Variants in DNM1 observed in about 807,000 individuals in gnomAD.
DNM1 encodes the protein dynamin 1.
Under a neutral mutation model 104.6 loss-of-function variants are expected in DNM1, and 29 were observed. That is an observed-to-expected ratio of 0.28 (90% CI 0.21 to 0.38). The LOEUF (loss-of-function observed/expected upper bound fraction) is 0.38, where lower values mean the gene tolerates loss of function less well. Among genes scored for constraint, DNM1 ranks in the 10% least tolerant of loss-of-function variants. The pLI, the probability that DNM1 is intolerant of heterozygous loss-of-function variation, is 1.00. For missense variants in DNM1, 640 were observed against 1,189.4 expected (o/e 0.54, Z 6.79); for synonymous variants, 445 against 475.8 (o/e 0.94, Z 0.84).
In DNM1 at chr9:128,247,095, CACTG is replaced by C. The variant is rs1331144295; in HGVS notation, c.1782-276_1782-273del. Reference sequence around the variant, plus strand: ...GATCTGGGCCCCAAGCTAGAGACTTCACTGACTATGGTTGTCCTCTTGTCAAAGG... The same window carrying C: ...GATCTGGGCCCCAAGCTAGAGACTTCACTATGGTTGTCCTCTTGTCAAAGG... On this transcript the variant is annotated intron_variant, in intron 16 of 21. Transcript: ENST00000372923. The surrounding 1 kb of genome is among the most constrained non-coding windows in gnomAD (Gnocchi z 5.1). 3.2e-6 allele frequency: 1 copy of C among 309,360 alleles called. No individual in the cohort carries two copies. The highest frequency in any genetic ancestry group is 6.1e-6 in the Non-Finnish European group (1 of 164,632). 19.2% of individuals were successfully genotyped at this position (309,360 alleles called of 1,614,324 possible).
Position 128,242,633 on chromosome 9 carries a change from G to A in DNM1, c.1671+288G>A, listed in dbSNP as rs532091143. Among the ~76,000 whole-genome samples the A allele has an allele frequency of 8.5e-4, 130 of 152,212 alleles. 1 individual carries two copies. Among genetic ancestry groups the A allele is most frequent in the Middle Eastern group, 3.4e-3 (1 of 294 alleles). On this transcript the variant is annotated intron_variant, in intron 15 of 21. Coordinates refer to ENST00000372923, the MANE Select transcript of DNM1 (RefSeq NM_004408.4). ...AAATTAACCAGGTGTGTTGGCGGGC[G>A]CCTGTAATCCCAGCTACTAGGGAGG...
intron 10 of DNM1, among the ~76,000 whole-genome samples, chr9:128,225,659 C>G (rs1835296967): frequency 1.3e-5 from 2 of 152,122 alleles, no homozygotes; most frequent in African/African-American, 2.4e-5. Context: ...AAAGACGGCA[C>G]TGGGAGAGAG....
chr9:128,233,989 A>G, intron 10 of DNM1, 32 bp from the exon 11 acceptor site: 1 of 1,548,184 alleles, frequency 6.5e-7, no homozygotes, highest in Non-Finnish European at 8.7e-7. Flanking sequence ...CCCTCTGTGT[A>G]CGTGGCTTTC....
intron 10 of DNM1, 65 bp from the exon 11 acceptor site, chr9:128,233,956 G>A: frequency 7.0e-7 from 1 of 1,424,484 alleles, no homozygotes; most frequent in Non-Finnish European, 9.7e-7. Flanking sequence ...GGACTCGTGG[G>A]GTGTGGGTGC....
At chr9:128,213,820 C>T (rs57091735) in intron 1 of DNM1, among the ~76,000 whole-genome samples, 15,071 of 152,128 alleles carry the variant, frequency 0.099, 1,153 homozygotes, top group East Asian at 0.34. Flanking sequence ...TAGCCTAGTC[C>T]CTGCTCCCGG....
Position 128,255,048 on chromosome 9 carries a change from C to T in DNM1, c.*334C>T, listed in dbSNP as rs1829765513. 4.7e-6 allele frequency: 1 copy of T among 212,718 alleles called. No homozygotes were observed. The highest frequency in any genetic ancestry group is 7.5e-5 in the South Asian group (1 of 13,320). 13.2% of individuals were successfully genotyped at this position (212,718 alleles called of 1,614,324 possible). A position where few individuals can be genotyped will look rare whatever the true frequency, so the allele number is the denominator to read the frequency against. Reference sequence around the variant, plus strand: ...CCAACTACCAGAGAACGCTGTCCCCCGACATCCCACTCCAAAGTGTGCCAC... The same window carrying T: ...CCAACTACCAGAGAACGCTGTCCCCTGACATCCCACTCCAAAGTGTGCCAC... On this transcript the variant is annotated 3_prime_UTR_variant, in exon 22 of 22. Transcript: ENST00000372923.
chr9:128,252,695 G>C, intron 21 of DNM1: 1 of 476,622 alleles, frequency 2.1e-6, no homozygotes, highest in Non-Finnish European at 4.1e-6. Context: ...AGAAATGACA[G>C]CTGGACTTTA....
intron 10 of DNM1, among the ~76,000 whole-genome samples, chr9:128,228,376 T>C (rs1414729203): frequency 6.6e-6 from 1 of 152,070 alleles, no homozygotes; most frequent in Non-Finnish European, 1.5e-5. Flanking sequence ...GATCTTACTA[T>C]GTTGCCCAGG....
At position 128,220,885 on chromosome 9, in the gene DNM1, TTTTCTTTCTTTCTTTCTTTCTTTC is replaced by T. The variant is rs373253077; in HGVS notation, c.849+572_849+595del. Among the ~76,000 whole-genome samples, 39 of 117,604 alleles carry T rather than the reference TTTTCTTTCTTTCTTTCTTTCTTTC, an allele frequency of 3.3e-4. No individual in the cohort carries two copies. Among genetic ancestry groups the T allele is most frequent in the Middle Eastern group, 4.2e-3 (1 of 238 alleles). The allele number at this position is 117,604 out of a possible 152,430, so 77.2% of individuals were successfully genotyped here. A position where few individuals can be genotyped will look rare whatever the true frequency, so the allele number is the denominator to read the frequency against. ...CCTCTATTTCTTTTTTCTTTATTTG[TTTTCTTTCTTTCTTTCTTTCTTTC>T]TTTCTTTCTTTCTTTCTTTCTTTCT... On this transcript the variant is annotated intron_variant, in intron 6 of 21. Transcript: ENST00000372923. This position sits in a 1 kb window ranked among gnomAD's most constrained non-coding sequence, Gnocchi z 5.2.
chr9:128,253,060 G>A lies in DNM1; in HGVS notation c.2535-1594G>A, dbSNP rs185490197. ...CCCCACCCCCAGGCCGGCCCCACCCGTGCGTGTGAACTGCCATGTTGATTT... is the reference window on the plus strand; with the variant it reads ...CCCCACCCCCAGGCCGGCCCCACCCATGCGTGTGAACTGCCATGTTGATTT... On this transcript the variant is annotated intron_variant, in intron 21 of 21. Transcript: ENST00000372923. This position sits in a 1 kb window ranked among gnomAD's most constrained non-coding sequence, Gnocchi z 5.9. The A allele has an allele frequency of 8.0e-5, 128 of 1,605,404 alleles. No homozygotes were observed. Among genetic ancestry groups the A allele is most frequent in the African/African-American group, 2.5e-4 (19 of 74,878 alleles).
chr9:128,246,320 G>A, intron 15 of DNM1, 74 bp from the exon 16 acceptor site: 1 of 1,039,408 alleles, frequency 9.6e-7, no homozygotes, highest in South Asian at 1.3e-5. Flanking sequence ...GGCCAGTCAG[G>A]GGGACTCTTA....
In DNM1 at chr9:128,218,425, T is replaced by C; in HGVS notation, c.235+121T>C. 1.4e-6 allele frequency: 2 copies of C among 1,428,632 alleles called. No individual in the cohort carries two copies. Among genetic ancestry groups the C allele is most frequent in the South Asian group, 1.2e-5 (1 of 86,736 alleles). The allele number at this position is 1,428,632 out of a possible 1,614,324, so 88.5% of individuals were successfully genotyped here. A position where few individuals can be genotyped will look rare whatever the true frequency, so the allele number is the denominator to read the frequency against. The stretch of plus-strand genomic sequence containing the variant: ...GTGTGACTGTGGGCCTCGTTCCCCT[T>C]AGGGATAGCGGGGATCAAAATACAT... On this transcript the variant is annotated intron_variant, in intron 2 of 21. Coordinates refer to ENST00000372923, the MANE Select transcript of DNM1 (RefSeq NM_004408.4). This position sits in a 1 kb window ranked among gnomAD's most constrained non-coding sequence, Gnocchi z 4.8.
chr9:128,242,360 A>G lies in DNM1; in HGVS notation c.1671+15A>G. The G allele has an allele frequency of 3.4e-6, 5 of 1,454,692 alleles. No individual in the cohort carries two copies. Among genetic ancestry groups the G allele is most frequent in the African/African-American group, 1.4e-5 (1 of 71,928 alleles). 90.1% of individuals were successfully genotyped at this position (1,454,692 alleles called of 1,614,324 possible). A position where few individuals can be genotyped will look rare whatever the true frequency, so the allele number is the denominator to read the frequency against. ...AGGATGATGAGGTGAGTCAAGGGCCAGTGGTCATCAAGGGGCTGGGCTGGT... is the reference window on the plus strand; with the variant it reads ...AGGATGATGAGGTGAGTCAAGGGCCGGTGGTCATCAAGGGGCTGGGCTGGT... On this transcript the variant is annotated intron_variant, in intron 15 of 21. Coordinates refer to ENST00000372923, the MANE Select transcript of DNM1 (RefSeq NM_004408.4).
intron 21 of DNM1, chr9:128,252,777 C>T: frequency 1.6e-6 from 1 of 613,570 alleles, no homozygotes; most frequent in Non-Finnish European, 3.0e-6. Context: ...GTGCAGGGAG[C>T]TGGTGCAAAT....
intron 15 of DNM1, among the ~76,000 whole-genome samples, 171 bp from the exon 16 acceptor site, chr9:128,246,223 C>T (rs548929398): frequency 6.6e-6 from 1 of 152,110 alleles, no homozygotes; most frequent in African/African-American, 2.4e-5. Context: ...CGGGGGTCGG[C>T]GGTGCCCAGG....
Position 128,222,626 on chromosome 9 carries a change from G to A in DNM1, c.1128+30G>A. 6.2e-7 allele frequency: 1 copy of A among 1,612,612 alleles called. No homozygotes were observed. Among genetic ancestry groups the A allele is most frequent in the Non-Finnish European group, 8.5e-7 (1 of 1,178,998 alleles). ...GTCAGGCAGCCCTGGGGACAGGATG[G>A]CTCAGGACTCCCCCCACCCTCACTC... On this transcript the variant is annotated intron_variant, in intron 8 of 21. Coordinates refer to ENST00000372923, the MANE Select transcript of DNM1 (RefSeq NM_004408.4). This position sits in a 1 kb window ranked among gnomAD's most constrained non-coding sequence, Gnocchi z 7.8.
intron 10 of DNM1, among the ~76,000 whole-genome samples, chr9:128,228,167 G>A (rs1588389810): frequency 1.3e-5 from 2 of 151,726 alleles, no homozygotes; most frequent in South Asian, 2.1e-4. Flanking sequence ...TCAGCCTCCC[G>A]AGTAGCTGGG....
At chr9:128,236,834 A>G (rs2131240022) in intron 11 of DNM1, among the ~76,000 whole-genome samples, 1 of 152,296 alleles carries the variant, frequency 6.6e-6, no homozygotes. Flanking sequence ...CATGGGCAAC[A>G]CAGTGAGACT....
At position 128,213,537 on chromosome 9, in the gene DNM1, A is replaced by C. The variant is rs536546681; in HGVS notation, c.162-4694A>C. Among the ~76,000 whole-genome samples, 8 of 152,286 alleles carry C rather than the reference A, an allele frequency of 5.3e-5. 1 individual carries two copies. In the East Asian group the frequency reaches 1.3e-3, roughly 26 times the overall value. On this transcript the variant is annotated intron_variant, in intron 1 of 21. Coordinates refer to ENST00000372923, the MANE Select transcript of DNM1 (RefSeq NM_004408.4). ...AGAAAGTAGGAAGGATGAGAAGATA[A>C]GAAATAAGGGAAGGTAATAGGCTCT... is the stretch of plus-strand genomic sequence containing the variant.
Sources: gnomAD v4.1 joint callset for allele counts (sites outside exome capture counted in the v4.1 genomes callset) on GRCh38, gnomAD v4.1.1 for gene constraint, Gnocchi (gnomAD v3.1) non-coding constraint, MANE v1.5 for transcripts, NCBI Gene and HGNC (gene_info 2026-07-23, HGNC 2026-07-21) for gene names.